The following IGF1R variants were observed in gnomAD, a reference collection of about 807,000 sequenced individuals.
The protein encoded by IGF1R is insulin like growth factor 1 receptor, also known as insulin-like growth factor 1 receptor.
In IGF1R, 44 loss-of-function variants were observed where a neutral mutation model predicts 144.6. The ratio of observed to expected loss-of-function variants is 0.30; its 90% CI spans 0.24 to 0.39. The LOEUF (loss-of-function observed/expected upper bound fraction) is 0.39. Ranked by LOEUF, IGF1R falls within the 10% of genes least tolerant of loss-of-function variation. The pLI is 1.00. For missense variants in IGF1R, 1,355 were observed against 1,833.7 expected (o/e 0.74, Z 4.77); for synonymous variants, 795 against 722.8 (o/e 1.10, Z -1.60).
At chr15:98,804,241 CTAT>C (rs988860592) in intron 2 of IGF1R, among the ~76,000 whole-genome samples, 4 of 152,144 alleles carry the variant, frequency 2.6e-5, no homozygotes, top group African/African-American at 4.8e-5. Flanking sequence ...ATTTATTACA[CTAT>C]TATTTATTTA....
rs756730204 is a variant in IGF1R at position 98,913,148 on chromosome 15, G to A, written c.1694G>A (p.Gly565Asp). 1 of 1,614,216 alleles carries A rather than the reference G, an allele frequency of 6.2e-7. No homozygotes were observed. The highest frequency in any genetic ancestry group is 8.5e-7 in the Non-Finnish European group (1 of 1,180,024). Reference sequence around the variant, plus strand: ...CCGCCCAACAAGGACGTGGAGCCCGGCATCTTACTACATGGGCTGAAGCCC... The same window carrying A: ...CCGCCCAACAAGGACGTGGAGCCCGACATCTTACTACATGGGCTGAAGCCC... ...DLPPNKDVEP[G>D]ILLHGLKPWT... Residue 565 changes from glycine to aspartate, a missense_variant, in exon 8 of 21, where the codon GGC (glycine) becomes GAC (aspartate). Gly to Asp is a moderately conservative substitution (Grantham distance 94). This residue lies in a region of IGF1R where 880 missense variants were observed against 1,202.7 expected (regional missense o/e 0.73). Transcript: ENST00000650285.
intron 2 of IGF1R, among the ~76,000 whole-genome samples, chr15:98,735,655 G>A (rs1420164328): frequency 2.6e-5 from 4 of 152,232 alleles, no homozygotes; most frequent in South Asian, 2.1e-4. Flanking sequence ...AAGAAAGAGG[G>A]TCGCAAAATA....
At chr15:98,763,199 A>T (rs960404749) in intron 2 of IGF1R, among the ~76,000 whole-genome samples, 9 of 152,234 alleles carry the variant, frequency 5.9e-5, no homozygotes, top group African/African-American at 2.2e-4. Flanking sequence ...TGTAAATGCC[A>T]TTTTGATAAG....
intron 2 of IGF1R, among the ~76,000 whole-genome samples, chr15:98,839,795 A>G (rs1424478853): frequency 6.6e-6 from 1 of 151,796 alleles, no homozygotes; most frequent in Admixed American, 6.6e-5. Flanking sequence ...GCTCACCTCC[A>G]CTCCTCCATA....
chr15:98,836,156 C>T (rs2057096175), intron 2 of IGF1R, among the ~76,000 whole-genome samples: 2 of 151,690 alleles, frequency 1.3e-5, no homozygotes, highest in South Asian at 4.1e-4. Flanking sequence ...GATGACCCCA[C>T]TGGCCGGGGA....
chr15:98,869,539 G>A (rs1437140283), intron 2 of IGF1R, among the ~76,000 whole-genome samples: 3 of 151,552 alleles, frequency 2.0e-5, no homozygotes, highest in Non-Finnish European at 4.4e-5. Flanking sequence ...GGGTTCAAGC[G>A]ATTCTCCTGC....
At chr15:98,776,460 A>G (rs928818315) in intron 2 of IGF1R, among the ~76,000 whole-genome samples, 8 of 152,202 alleles carry the variant, frequency 5.3e-5, no homozygotes, top group African/African-American at 1.9e-4. Flanking sequence ...TGCTGGGATT[A>G]CAGGTGTGAG....
At chr15:98,893,190 T>C (rs1318221467) in intron 3 of IGF1R, among the ~76,000 whole-genome samples, 4 of 152,206 alleles carry the variant, frequency 2.6e-5, no homozygotes. Flanking sequence ...ATGAAGTACA[T>C]TGAGGAAGTG....
intron 2 of IGF1R, among the ~76,000 whole-genome samples, chr15:98,803,500 T>TTATTTATTTATTTATTTATG (rs2056406128): frequency 6.6e-6 from 1 of 150,516 alleles, no homozygotes; most frequent in Admixed American, 6.6e-5. Flanking sequence ...ATATTACATT[T>TTATTTATTTATTTATTTATG]TATTTATTTA....
intron 1 of IGF1R, among the ~76,000 whole-genome samples, chr15:98,656,238 C>G (rs7170329): frequency 0.11 from 17,193 of 152,140 alleles, 1,558 homozygotes; most frequent in African/African-American, 0.24. Flanking sequence ...CACACTGCAG[C>G]GATAGCTGGG....
chr15:98,801,703 A>T (rs1300015303), intron 2 of IGF1R, among the ~76,000 whole-genome samples: 1 of 152,246 alleles, frequency 6.6e-6, no homozygotes, highest in African/African-American at 2.4e-5. Flanking sequence ...TGTATGGAGT[A>T]TAATTCTGTT....
At chr15:98,895,222 C>CCACACACACA (rs10704966) in intron 3 of IGF1R, among the ~76,000 whole-genome samples, 11 of 143,402 alleles carry the variant, frequency 7.7e-5, no homozygotes, top group East Asian at 2.1e-4. Context: ...TGACACAGCA[C>CCACACACACA]CACACACACA....
chr15:98,758,424 A>G (rs2055211564), intron 2 of IGF1R, among the ~76,000 whole-genome samples: 2 of 152,086 alleles, frequency 1.3e-5, no homozygotes, highest in African/African-American at 4.8e-5. Flanking sequence ...GGCTGCCCTC[A>G]GCCGTCACAC....
At chr15:98,756,737 A>T (rs2055165400) in intron 2 of IGF1R, among the ~76,000 whole-genome samples, 1 of 152,122 alleles carries the variant, frequency 6.6e-6, no homozygotes, top group African/African-American at 2.4e-5. Flanking sequence ...AAATAATGGC[A>T]TTTAAGGCTA....
At chr15:98,720,129 C>T (rs41410144) in intron 2 of IGF1R, among the ~76,000 whole-genome samples, 2,137 of 152,294 alleles carry the variant, frequency 0.014, 48 homozygotes, top group African/African-American at 0.048. Flanking sequence ...TAACTCCAGT[C>T]GCAAAATCCC....
chr15:98,863,969 T>C (rs2012294493), intron 2 of IGF1R, among the ~76,000 whole-genome samples: 1 of 152,196 alleles, frequency 6.6e-6, no homozygotes, highest in East Asian at 1.9e-4. Context: ...TCTTTTAGAA[T>C]AAACGTGGCT....
intron 2 of IGF1R, among the ~76,000 whole-genome samples, chr15:98,837,909 A>G (rs1383905220): frequency 6.6e-6 from 1 of 152,212 alleles, no homozygotes; most frequent in African/African-American, 2.4e-5. Context: ...CTGGTTCCCA[A>G]GATGCCTTCT....
intron 1 of IGF1R, among the ~76,000 whole-genome samples, chr15:98,656,887 A>G (rs905517911): frequency 3.3e-5 from 5 of 152,184 alleles, no homozygotes; most frequent in Non-Finnish European, 7.3e-5. Context: ...TTTCTTTTTA[A>G]CATGGCACTA....
Position 98,746,004 on chromosome 15 carries a change from C to T in IGF1R, c.640+37897C>T, listed in dbSNP as rs559378037. 6.7e-4 allele frequency among the ~76,000 whole-genome samples: 102 copies of T among 152,314 alleles called. 1 individual carries two copies. The highest frequency in any genetic ancestry group is 3.9e-3 in the South Asian group (19 of 4,832). ...CTTCAGTGGGAGACTGGTTAATACA[C>T]TAAGATATATGCACAAAATGGAATG... is the stretch of plus-strand genomic sequence containing the variant. On this transcript the variant is annotated intron_variant, in intron 2 of 20. Transcript: ENST00000650285.
Sources: allele counts gnomAD v4.1 joint callset (sites outside exome capture counted in the v4.1 genomes callset), GRCh38; gene constraint gnomAD v4.1.1; regional missense constraint gnomAD v4.1.1; transcripts MANE v1.5; gene names NCBI Gene and HGNC (gene_info 2026-07-23, HGNC 2026-07-21).